The following ASAP1 variants were observed in gnomAD, a reference collection of about 807,000 sequenced individuals.
The protein encoded by ASAP1 is arf-GAP with SH3 domain, ANK repeat and PH domain-containing protein 1.
ASAP1 carries 43 observed loss-of-function variants against 145.2 expected under a neutral mutation model. That is an observed-to-expected ratio of 0.30 (90% CI 0.23 to 0.38). ASAP1 has a LOEUF of 0.38. Among genes scored for constraint, ASAP1 ranks in the 10% least tolerant of loss-of-function variants. The pLI is 1.00. For synonymous variants in ASAP1, 546 were observed against 515.5 expected, an observed-to-expected ratio of 1.06 and a Z score of -0.80; for missense variants, 1,018 against 1,355.3, an observed-to-expected ratio of 0.75 and a Z score of 3.91.
At chr8:130,272,371 G>A (rs1820637426) in intron 3 of ASAP1, among the ~76,000 whole-genome samples, 1 of 152,056 alleles carries the variant, frequency 6.6e-6, no homozygotes, top group Admixed American at 6.5e-5. Flanking sequence ...GTGGAAAAAA[G>A]GTAACTCTAC....
chr8:130,265,154 C>T (rs1820166751), intron 3 of ASAP1, among the ~76,000 whole-genome samples: 1 of 152,160 alleles, frequency 6.6e-6, no homozygotes, highest in African/African-American at 2.4e-5. Context: ...TTCAGTTCCC[C>T]AGAGCACCTA....
rs764069959 is a variant in ASAP1, at chr8:130,118,140, CAG to C, written c.1880+19_1880+20del. The C allele has an allele frequency of 2.5e-6, 4 of 1,605,680 alleles. No individual in the cohort carries two copies. In the South Asian group the frequency reaches 3.3e-5, roughly 13 times the overall value. On this transcript the variant is annotated intron_variant, in intron 20 of 29. Coordinates refer to ENST00000518721, the MANE Select transcript of ASAP1 (RefSeq NM_018482.4). ...TATAAGGCATATTCAGGTAATTCAA[CAG>C]AGAAAACAAAAACGATACCAGTTTT...
intron 3 of ASAP1, among the ~76,000 whole-genome samples, chr8:130,253,452 G>A (rs1232309741): frequency 6.6e-6 from 1 of 152,108 alleles, no homozygotes; most frequent in Non-Finnish European, 1.5e-5. Flanking sequence ...CAGATACATA[G>A]TTAGCAAGAA....
At chr8:130,374,338 A>T (rs1186946052) in intron 2 of ASAP1, among the ~76,000 whole-genome samples, 1 of 152,250 alleles carries the variant, frequency 6.6e-6, no homozygotes, top group Admixed American at 6.5e-5. Flanking sequence ...CATGAAGCTA[A>T]TACTAAAAAT....
chr8:130,375,374 AGCAGCAGAGG>A (rs1459483570), intron 2 of ASAP1, among the ~76,000 whole-genome samples: 2 of 151,056 alleles, frequency 1.3e-5, no homozygotes, highest in African/African-American at 4.9e-5. Flanking sequence ...GGGGTGGGGG[AGCAGCAGAGG>A]AAAAAAAAAA....
chr8:130,232,631 A>G (rs1289084718), intron 4 of ASAP1, among the ~76,000 whole-genome samples: 1 of 151,924 alleles, frequency 6.6e-6, no homozygotes, highest in African/African-American at 2.4e-5. Flanking sequence ...TTTAAAAAAA[A>G]AAAACCAAAA....
At chr8:130,129,922 A>T (rs1033904116) in intron 15 of ASAP1, among the ~76,000 whole-genome samples, 2 of 152,240 alleles carry the variant, frequency 1.3e-5, no homozygotes, top group African/African-American at 4.8e-5. Flanking sequence ...TATCAGTCTG[A>T]AGTTAGAAAC....
intron 13 of ASAP1, among the ~76,000 whole-genome samples, chr8:130,148,813 G>C (rs1335301499): frequency 6.6e-6 from 1 of 151,964 alleles, no homozygotes; most frequent in African/African-American, 2.4e-5. Context: ...CTTCATATAA[G>C]CTTTATACTT....
rs553775877 is a variant in ASAP1 at position 130,233,786 on chromosome 8, A to G, written c.259+3136T>C. Among the ~76,000 whole-genome samples, 32 of 152,326 alleles carry G rather than the reference A, an allele frequency of 2.1e-4. No individual in the cohort carries two copies. The South Asian group carries it at 6.4e-3, about 31-fold the overall frequency. ...ATGAAGGCAGAGACTTTGATGTGCC[A>G]AACACCTAACACCCAGAACAGGAGA... On this transcript the variant is annotated intron_variant, in intron 4 of 29. Coordinates refer to ENST00000518721, the MANE Select transcript of ASAP1 (RefSeq NM_018482.4).
intron 1 of ASAP1, among the ~76,000 whole-genome samples, chr8:130,428,271 C>T (rs1272095457): frequency 6.6e-6 from 1 of 151,512 alleles, no homozygotes; most frequent in Non-Finnish European, 1.5e-5. Flanking sequence ...CCAAAAAATG[C>T]CACTGGAGGC....
chr8:130,083,303 T>C (rs2097485581), intron 25 of ASAP1: 1 of 152,230 alleles, frequency 6.6e-6, no homozygotes, highest in Non-Finnish European at 1.5e-5. Flanking sequence ...TACGTTCCTT[T>C]TCCCTGCAAG....
chr8:130,139,475 C>T (rs1234896504), intron 13 of ASAP1, among the ~76,000 whole-genome samples: 1 of 152,182 alleles, frequency 6.6e-6, no homozygotes, highest in Non-Finnish European at 1.5e-5. Flanking sequence ...CCTGTAATCC[C>T]AGCACTTTGG....
intron 24 of ASAP1, among the ~76,000 whole-genome samples, chr8:130,102,665 A>G (rs538275124): frequency 6.6e-6 from 1 of 152,196 alleles, no homozygotes; most frequent in East Asian, 1.9e-4. Context: ...CAGTTTAAGA[A>G]TTGGTGCTAG....
At chr8:130,313,440 T>G (rs1823477120) in intron 3 of ASAP1, among the ~76,000 whole-genome samples, 2 of 152,222 alleles carry the variant, frequency 1.3e-5, no homozygotes, top group African/African-American at 4.8e-5. Flanking sequence ...TATTTTGCTG[T>G]GCAATAATAG....
At chr8:130,278,894 G>GA (rs1821086847) in intron 3 of ASAP1, among the ~76,000 whole-genome samples, 1 of 152,108 alleles carries the variant, frequency 6.6e-6, no homozygotes, top group Non-Finnish European at 1.5e-5. Context: ...CTCACAATTA[G>GA]AGAGTGTTAG....
chr8:130,184,580 T>C (rs1360404787), intron 7 of ASAP1, among the ~76,000 whole-genome samples: 1 of 152,222 alleles, frequency 6.6e-6, no homozygotes, highest in African/African-American at 2.4e-5. Flanking sequence ...AAGTGAGAAG[T>C]GCTACAAAGG....
intron 3 of ASAP1, among the ~76,000 whole-genome samples, chr8:130,276,799 T>C (rs1476429703): frequency 6.9e-6 from 1 of 145,646 alleles, no homozygotes; most frequent in Non-Finnish European, 1.5e-5. Context: ...TGAGAGACCC[T>C]AAACTATGAG....
At chr8:130,209,801 T>C (rs1257175877) in intron 5 of ASAP1, among the ~76,000 whole-genome samples, 3 of 152,120 alleles carry the variant, frequency 2.0e-5, no homozygotes, top group African/African-American at 7.2e-5. Flanking sequence ...ACACCTTTTT[T>C]TTTGAAAGAA....
intron 3 of ASAP1, among the ~76,000 whole-genome samples, chr8:130,323,870 T>TA (rs35606959): frequency 0.026 from 3,900 of 151,938 alleles, 158 homozygotes; most frequent in African/African-American, 0.086. Context: ...TACCAGGCAT[T>TA]AAAAAAAACC....
Sources: allele counts gnomAD v4.1 joint callset (sites outside exome capture counted in the v4.1 genomes callset), GRCh38; gene constraint gnomAD v4.1.1; transcripts MANE v1.5; gene names NCBI Gene and HGNC (gene_info 2026-07-23, HGNC 2026-07-21).